The following SLC24A2 variants were observed in gnomAD, a reference collection of about 807,000 sequenced individuals.
SLC24A2 encodes the protein sodium/potassium/calcium exchanger 2.
A neutral mutation model predicts 62.0 loss-of-function variants in SLC24A2; 36 were observed. The observed-to-expected ratio is 0.58, with a 90% confidence interval of 0.44 to 0.77. The LOEUF (loss-of-function observed/expected upper bound fraction) is 0.77. Ranked by LOEUF, SLC24A2 falls within the 30% of genes least tolerant of loss-of-function variation. The pLI, the probability that SLC24A2 is intolerant of heterozygous loss-of-function variation, is 0.00. For missense variants in SLC24A2, 846 were observed against 817.9 expected, an observed-to-expected ratio of 1.03 and a Z score of -0.42; for synonymous variants, 358 against 294.0, an observed-to-expected ratio of 1.22 and a Z score of -2.23.
At chr9:19,807,724 C>T in the SLC24A2 span, among the ~76,000 whole-genome samples, 5 of 152,296 alleles carry the variant, frequency 3.3e-5, no homozygotes, top group Admixed American at 1.3e-4. Context: ...ATTGAATCTG[C>T]TTTAAACGAA....
At chr9:19,847,329 C>T in the SLC24A2 span, among the ~76,000 whole-genome samples, 40 of 152,132 alleles carry the variant, frequency 2.6e-4, 1 homozygote, top group South Asian at 7.9e-3. Context: ...TTTATGTGTT[C>T]CAAAGAATAA....
rs1832786871 is a variant in SLC24A2, at chr9:19,513,167, T to TATATATAC, written c.*2985_*2986insGTATATAT. The TATATATAC allele has an allele frequency of 1.0e-4, 6 of 59,878 alleles. No homozygotes were observed. Among genetic ancestry groups the TATATATAC allele is most frequent in the Admixed American group, 8.3e-4 (5 of 6,058 alleles). 3.7% of individuals were successfully genotyped at this position (59,878 alleles called of 1,614,324 possible). ...TCTGGTATAAAGATATATATATATA[T>TATATATAC]ATATATATGTATATATATATATATG... On this transcript the variant is annotated 3_prime_UTR_variant, in exon 11 of 11. Coordinates refer to ENST00000341998, the MANE Select transcript of SLC24A2 (RefSeq NM_020344.4).
chr9:20,281,119 A>G, the SLC24A2 span, among the ~76,000 whole-genome samples: 1 of 152,022 alleles, frequency 6.6e-6, no homozygotes, highest in African/African-American at 2.4e-5. Context: ...TTGTTGAGAC[A>G]GGGTTTCACC....
chr9:19,788,756 G>A, intron 1 of SLC24A2, 129 bp downstream of exon 1: 1 of 985,352 alleles, frequency 1.0e-6, no homozygotes, highest in Non-Finnish European at 1.2e-6. Context: ...GCGGGGCCTG[G>A]GGCGCCCACA....
At chr9:19,779,198 T>C (rs558201737) in intron 2 of SLC24A2, among the ~76,000 whole-genome samples, 2 of 152,236 alleles carry the variant, frequency 1.3e-5, no homozygotes, top group South Asian at 4.1e-4. Context: ...AGGCAGACTA[T>C]AGGAAGATTG....
At chr9:19,604,972 A>T (rs994792414) in intron 4 of SLC24A2, among the ~76,000 whole-genome samples, 5 of 152,372 alleles carry the variant, frequency 3.3e-5, no homozygotes, top group African/African-American at 1.2e-4. Flanking sequence ...TGTTGTAAGT[A>T]TAAATCCATG....
chr9:19,596,289 G>C (rs1836701254), intron 5 of SLC24A2, among the ~76,000 whole-genome samples: 1 of 152,204 alleles, frequency 6.6e-6, no homozygotes, highest in African/African-American at 2.4e-5. Context: ...TCATGCTGAA[G>C]AATAAGATGA....
At chr9:19,702,763 C>A (rs1419084878) in intron 2 of SLC24A2, among the ~76,000 whole-genome samples, 3 of 152,040 alleles carry the variant, frequency 2.0e-5, no homozygotes, top group Non-Finnish European at 4.4e-5. Context: ...CTTGAGTTAC[C>A]TTTTAAAATT....
At chr9:19,981,140 T>C in the SLC24A2 span, among the ~76,000 whole-genome samples, 1 of 152,328 alleles carries the variant, frequency 6.6e-6, no homozygotes, top group Admixed American at 6.5e-5. Context: ...TTCTTCAGAT[T>C]GTTTCAAAAT....
the SLC24A2 span, among the ~76,000 whole-genome samples, chr9:20,035,727 A>C: frequency 0.017 from 2,591 of 152,250 alleles, 55 homozygotes; most frequent in African/African-American, 0.057. Flanking sequence ...GCTGCACTCC[A>C]ACCTGGGTGA....
At chr9:20,101,603 G>A in the SLC24A2 span, among the ~76,000 whole-genome samples, 1 of 152,150 alleles carries the variant, frequency 6.6e-6, no homozygotes, top group African/African-American at 2.4e-5. Flanking sequence ...GACATCTCTG[G>A]GGTGGGCAAA....
At chr9:19,778,276 C>T (rs1822903568) in intron 2 of SLC24A2, among the ~76,000 whole-genome samples, 1 of 152,128 alleles carries the variant, frequency 6.6e-6, no homozygotes, top group South Asian at 2.1e-4. Flanking sequence ...AGAACACTGA[C>T]CAAATACAAG....
At chr9:20,053,474 C>T in the SLC24A2 span, among the ~76,000 whole-genome samples, 1 of 152,134 alleles carries the variant, frequency 6.6e-6, no homozygotes, top group African/African-American at 2.4e-5. Flanking sequence ...TTGCTCTGAT[C>T]TTCGTTTCTA....
At chr9:20,287,509 G>A in the SLC24A2 span, among the ~76,000 whole-genome samples, 2 of 152,132 alleles carry the variant, frequency 1.3e-5, no homozygotes, top group African/African-American at 4.8e-5. Flanking sequence ...AAAAGGGTTG[G>A]TAGCCTCTAG....
chr9:19,607,287 C>T (rs952682026), intron 4 of SLC24A2, among the ~76,000 whole-genome samples: 2 of 152,214 alleles, frequency 1.3e-5, no homozygotes, highest in Non-Finnish European at 2.9e-5. Flanking sequence ...TCTCTGGGAA[C>T]TCTGAGTCCT....
At chr9:20,283,827 G>T in the SLC24A2 span, among the ~76,000 whole-genome samples, 1 of 151,236 alleles carries the variant, frequency 6.6e-6, no homozygotes, top group Non-Finnish European at 1.5e-5. Flanking sequence ...TAGGATTCCC[G>T]CATGCGCAAT....
intron 2 of SLC24A2, among the ~76,000 whole-genome samples, chr9:19,777,159 G>C (rs1189529129): frequency 2.0e-5 from 3 of 152,200 alleles, no homozygotes; most frequent in African/African-American, 7.2e-5. Flanking sequence ...AGAGATCTTT[G>C]TGTGAGTCAT....
intron 2 of SLC24A2, among the ~76,000 whole-genome samples, chr9:19,718,575 T>C (rs144778870): frequency 3.3e-5 from 5 of 150,630 alleles, no homozygotes; most frequent in Admixed American, 6.7e-5. Context: ...CCTCACAAAG[T>C]GTGGAGATTA....
At chr9:20,154,711 A>G in the SLC24A2 span, among the ~76,000 whole-genome samples, 3 of 151,686 alleles carry the variant, frequency 2.0e-5, no homozygotes, top group East Asian at 5.9e-4. Flanking sequence ...GTAACAGAAT[A>G]TAAGATTAAA....
Sources: gnomAD v4.1 joint callset for allele counts (sites outside exome capture counted in the v4.1 genomes callset) on GRCh38, gnomAD v4.1.1 for gene constraint, MANE v1.5 for transcripts, NCBI Gene and HGNC (gene_info 2026-07-23, HGNC 2026-07-21) for gene names.